The following DCAF12 variants were observed in gnomAD, a reference collection of about 807,000 sequenced individuals.
DCAF12 encodes DDB1- and CUL4-associated factor 12.
Under a neutral mutation model 52.8 loss-of-function variants are expected in DCAF12, and 28 were observed. The observed-to-expected ratio is 0.53, with a 90% CI of 0.39 to 0.73. The LOEUF (loss-of-function observed/expected upper bound fraction) is 0.73. Ranked by LOEUF, DCAF12 falls within the 30% of genes least tolerant of loss-of-function variation. DCAF12 has a pLI of 0.00. For missense variants in DCAF12, 425 were observed against 552.2 expected, an observed-to-expected ratio of 0.77 and a Z score of 2.31; for synonymous variants, 196 against 215.5, an observed-to-expected ratio of 0.91 and a Z score of 0.79.
intron 2 of DCAF12, 45 bp from the exon 3 acceptor site, chr9:34,107,610 G>T: frequency 6.5e-7 from 1 of 1,533,726 alleles, no homozygotes; most frequent in Non-Finnish European, 9.0e-7. Flanking sequence ...AATTTAACGT[G>T]GCCAATACAG....
chr9:34,097,972 GA>G (rs1225295828), intron 5 of DCAF12, among the ~76,000 whole-genome samples: 1 of 150,704 alleles, frequency 6.6e-6, no homozygotes, highest in African/African-American at 2.4e-5. Context: ...ATACCAAAGA[GA>G]AAAAAAGTGA....
At chr9:34,125,592 G>A (rs180696117) in intron 1 of DCAF12, 1 of 494,160 alleles carries the variant, frequency 2.0e-6, no homozygotes. Context: ...GAGAGGTAGA[G>A]TGATTCCCAT....
At chr9:34,118,508 G>C (rs1829120811) in intron 2 of DCAF12, among the ~76,000 whole-genome samples, 1 of 152,092 alleles carries the variant, frequency 6.6e-6, no homozygotes, top group African/African-American at 2.4e-5. Flanking sequence ...CTGTACACAG[G>C]AAACTTTCAG....
At chr9:34,123,659 G>A (rs943222560) in intron 2 of DCAF12, among the ~76,000 whole-genome samples, 2 of 152,054 alleles carry the variant, frequency 1.3e-5, no homozygotes, top group Non-Finnish European at 2.9e-5. Context: ...TATTATGCTC[G>A]CCTTCAAAAT....
chr9:34,118,236 C>A (rs371758058), intron 2 of DCAF12, among the ~76,000 whole-genome samples: 1 of 152,102 alleles, frequency 6.6e-6, no homozygotes, highest in Non-Finnish European at 1.5e-5. Context: ...CGGGTTCAAG[C>A]GACTGTCCTG....
chr9:34,125,827 A>G (rs1031584696), intron 1 of DCAF12: 1 of 298,542 alleles, frequency 3.3e-6, no homozygotes, highest in Non-Finnish European at 6.9e-6. Context: ...ATCAGAGGCC[A>G]TATCTATGTC....
chr9:34,126,201 G>A (rs1280096582), intron 1 of DCAF12, among the ~76,000 whole-genome samples, 153 bp downstream of exon 1: 1 of 152,152 alleles, frequency 6.6e-6, no homozygotes, highest in African/African-American at 2.4e-5. Flanking sequence ...AGTTAACGAG[G>A]GTCCAGTCCT....
At chr9:34,101,580 C>T (rs993768102) in intron 4 of DCAF12, among the ~76,000 whole-genome samples, 23 of 150,316 alleles carry the variant, frequency 1.5e-4, no homozygotes, top group African/African-American at 4.4e-4. Flanking sequence ...TTAGTAGAGA[C>T]GGGGTTTCTC....
chr9:34,122,719 C>A (rs1216796463), intron 2 of DCAF12, among the ~76,000 whole-genome samples: 1 of 152,170 alleles, frequency 6.6e-6, no homozygotes, highest in African/African-American at 2.4e-5. Flanking sequence ...CTCAGGTGAT[C>A]CGCCCGCCTT....
intron 2 of DCAF12, among the ~76,000 whole-genome samples, chr9:34,114,406 T>C (rs1829052857): frequency 6.6e-6 from 1 of 151,992 alleles, no homozygotes; most frequent in Non-Finnish European, 1.5e-5. Context: ...CTACTAAAAA[T>C]CCAAAAATTA....
chr9:34,104,735 G>A (rs1246308396), intron 4 of DCAF12, among the ~76,000 whole-genome samples: 1 of 151,928 alleles, frequency 6.6e-6, no homozygotes, highest in Non-Finnish European at 1.5e-5. Flanking sequence ...GGCCAACATG[G>A]CAAAACCCCA....
At chr9:34,103,674 C>A (rs1828863737) in intron 4 of DCAF12, among the ~76,000 whole-genome samples, 1 of 151,838 alleles carries the variant, frequency 6.6e-6, no homozygotes, top group African/African-American at 2.4e-5. Context: ...GGCAACAAAG[C>A]GAGACCCAGT....
intron 2 of DCAF12, among the ~76,000 whole-genome samples, chr9:34,110,172 A>T (rs1189872533): frequency 6.6e-6 from 1 of 151,902 alleles, no homozygotes; most frequent in Non-Finnish European, 1.5e-5. Flanking sequence ...AGAGCAGCAG[A>T]CTCCCTGCCT....
At chr9:34,096,482 T>A (rs780386449) in intron 6 of DCAF12, among the ~76,000 whole-genome samples, 65 of 152,054 alleles carry the variant, frequency 4.3e-4, no homozygotes, top group Non-Finnish European at 7.3e-4. Flanking sequence ...ACGCCTGTAA[T>A]CCCCGCAGCT....
At chr9:34,092,707 A>C (rs78069542) in intron 7 of DCAF12, among the ~76,000 whole-genome samples, 1 of 150,472 alleles carries the variant, frequency 6.6e-6, no homozygotes, top group Non-Finnish European at 1.5e-5. Context: ...CAACAACAAC[A>C]AAAAAAAAGT....
chr9:34,119,702 GTTT>G lies in DCAF12; in HGVS notation c.333+5318_333+5320del, dbSNP rs72391664. On this transcript the variant is annotated intron_variant, in intron 2 of 8. Coordinates refer to ENST00000361264, the MANE Select transcript of DCAF12 (RefSeq NM_015397.4). Reference sequence around the variant, plus strand: ...TCAACAAATACTATGTACTTTTGCGGTTTTTTTTTTTTTTTTTGAGACAGGGTC... The same window carrying G: ...TCAACAAATACTATGTACTTTTGCGGTTTTTTTTTTTTTTGAGACAGGGTC... Among the ~76,000 whole-genome samples, 34 of 133,304 alleles carry G rather than the reference GTTT, an allele frequency of 2.6e-4. 1 individual carries two copies. Among genetic ancestry groups the G allele is most frequent in the African/African-American group, 7.2e-4 (26 of 36,210 alleles). 87.5% of individuals were successfully genotyped at this position (133,304 alleles called of 152,430 possible).
chr9:34,122,980 C>G (rs986976107), intron 2 of DCAF12, among the ~76,000 whole-genome samples: 6 of 152,196 alleles, frequency 3.9e-5, no homozygotes, highest in Non-Finnish European at 2.9e-5. Context: ...TATACCTAAC[C>G]CATCCCAGCT....
chr9:34,116,077 T>C (rs1203943618), intron 2 of DCAF12, among the ~76,000 whole-genome samples: 1 of 152,082 alleles, frequency 6.6e-6, no homozygotes, highest in Non-Finnish European at 1.5e-5. Flanking sequence ...AATAAATAAA[T>C]CCAGGGCTGG....
intron 7 of DCAF12, among the ~76,000 whole-genome samples, chr9:34,091,963 T>C (rs928955785): frequency 5.9e-5 from 9 of 152,172 alleles, no homozygotes; most frequent in African/African-American, 2.2e-4. Context: ...CTCATCTGCT[T>C]CCCACAGGGT....
Sources: gnomAD v4.1 joint callset for allele counts (sites outside exome capture counted in the v4.1 genomes callset) on GRCh38, gnomAD v4.1.1 for gene constraint, MANE v1.5 for transcripts, NCBI Gene and HGNC (gene_info 2026-07-23, HGNC 2026-07-21) for gene names.